The following MYH6 variants were observed in gnomAD, a reference collection of about 807,000 sequenced individuals.
MYH6 encodes the protein myosin-6.
MYH6 carries 126 observed loss-of-function variants against 223.2 expected under a neutral mutation model. The ratio of observed to expected loss-of-function variants is 0.56; its 90% CI spans 0.49 to 0.65. The LOEUF (loss-of-function observed/expected upper bound fraction) is 0.65. MYH6 is among the 30% of genes least tolerant of loss of function. The pLI, the probability that MYH6 is intolerant of heterozygous loss-of-function variation, is 0.00. For missense variants in MYH6, 2,040 were observed against 2,536.4 expected (o/e 0.80, Z 4.20); for synonymous variants, 978 against 1,010.2 (o/e 0.97, Z 0.61).
chr14:23,383,341 G>GGGGGCCCCCCCCCCCCC, intron 36 of MYH6, 21 bp from the exon 37 acceptor site: 1 of 556,572 alleles, frequency 1.8e-6, no homozygotes, highest in Non-Finnish European at 3.3e-6. Context: ...GAGGGTGGGA[G>GGGGGCCCCCCCCCCCCC]AAGCTGGTTT....
intron 37 of MYH6, 133 bp downstream of exon 37, chr14:23,383,091 GA>G: frequency 1.2e-6 from 1 of 825,916 alleles, no homozygotes; most frequent in Non-Finnish European, 2.1e-6. Context: ...GAGCATACCA[GA>G]TGTGTCAAAC....
At position 23,397,066 on chromosome 14, in the gene MYH6, G is replaced by A. The variant is rs748016197; in HGVS notation, c.2065C>T (p.Pro689Ser). 2.5e-6 allele frequency: 4 copies of A among 1,614,104 alleles called. No homozygotes were observed. The highest frequency in any genetic ancestry group is 3.3e-5 in the Admixed American group (2 of 60,010). Residue 689 changes from proline to serine, a missense_variant, in exon 18 of 39, where the codon CCC (proline) becomes TCC (serine). Physicochemically the swap from Pro to Ser is moderately conservative, Grantham distance 74 (BLOSUM62 -1). Coordinates refer to ENST00000405093, the MANE Select transcript of MYH6 (RefSeq NM_002471.4). ...ERKAPGVMDN[P>S]LVMHQLRCNG... ...CAGCGCAGCTGGTGCATGACCAGGG[G>A]GTTGTCCATCACCCCTGTGTCAGGA...
At position 23,400,488 on chromosome 14, in the gene MYH6, T is replaced by G. The variant is rs1047658104; in HGVS notation, c.1411-62A>C. 57 of 1,612,990 alleles carry G rather than the reference T, an allele frequency of 3.5e-5. No individual in the cohort carries two copies. The Middle Eastern group carries it at 6.6e-4, about 19-fold the overall frequency. ...TGGGTGTGAGTGGCCATTGGGGCTG[T>G]GCCCGTGCACTGTGCCGAGCCCAGC... On this transcript the variant is annotated intron_variant, in intron 13 of 38. Transcript: ENST00000405093.
intron 8 of MYH6, 88 bp from the exon 9 acceptor site, chr14:23,403,866 G>A: frequency 8.3e-7 from 1 of 1,210,224 alleles, no homozygotes; most frequent in South Asian, 1.3e-5. Flanking sequence ...GCCCTGGATG[G>A]TTCTGGAAAT....
intron 26 of MYH6, 58 bp downstream of exon 26, chr14:23,389,999 C>T (rs1466058538): frequency 3.1e-6 from 5 of 1,613,132 alleles, no homozygotes; most frequent in East Asian, 2.2e-5. Context: ...AGAGAGAAGG[C>T]ATGGGGGAGG....
rs1566506950 is a variant in MYH6, at chr14:23,388,354, T to TGG, written c.4176-18_4176-17dup. The TGG allele has an allele frequency of 6.2e-7, 1 of 1,611,838 alleles. No homozygotes were observed. Among genetic ancestry groups the TGG allele is most frequent in the South Asian group, 1.1e-5 (1 of 91,016 alleles). On this transcript the variant is annotated splice_polypyrimidine_tract_variant and intron_variant, in intron 29 of 38. Transcript: ENST00000405093. ...CAGCTTCTTTCTGCCCAGGTGAGGG[T>TGG]GGAGGGTGTGTGTGTGACTCTACTG...
intron 28 of MYH6, 98 bp downstream of exon 28, chr14:23,389,295 C>A: frequency 7.2e-7 from 1 of 1,397,030 alleles, no homozygotes; most frequent in Non-Finnish European, 1.0e-6. Context: ...CTTTCCCTTG[C>A]AGAGGACTCT....
chr14:23,407,175 G>A lies in MYH6; in HGVS notation c.49C>T (p.Arg17Cys), dbSNP rs1131691313. Reference protein sequence around the residue: ...ADFGAAAQYLRKSEKERLEAQ... With the variant: ...ADFGAAAQYLCKSEKERLEAQ... ...TCTAGACGCTCCTTCTCTGACTTGC[G>A]GAGGTACTGGGCCGCTGCCCCAAAG... The change falls in exon 3 of 39, where the codon CGC becomes TGC. Residue 17 changes from arginine to cysteine, a missense_variant. Coordinates refer to ENST00000405093, the MANE Select transcript of MYH6 (RefSeq NM_002471.4). This position sits in a 1 kb window ranked among gnomAD's most constrained non-coding sequence, Gnocchi z 5.6. The A allele has an allele frequency of 2.5e-6, 4 of 1,614,138 alleles. No individual in the cohort carries two copies. The highest frequency in any genetic ancestry group is 2.2e-5 in the East Asian group (1 of 44,902).
Position 23,390,192 on chromosome 14 carries a change from G to A in MYH6, c.3597C>T (p.Ala1199=), listed in dbSNP as rs1269257633. ...GCTCGCCCAGCTCGGCCACGCTGTC[G>A]GCGTGCTTCTTGCGCAGGGCCGCGG... is the stretch of plus-strand genomic sequence containing the variant. ...ATAAALRKKH[A]DSVAELGEQI... The change falls in exon 26 of 39, where the codon GCC becomes GCT. Residue 1199 remains alanine (A), a synonymous_variant. Transcript: ENST00000405093. 4.4e-6 allele frequency: 7 copies of A among 1,605,912 alleles called. No individual in the cohort carries two copies. Among genetic ancestry groups the A allele is most frequent in the Admixed American group, 3.3e-5 (2 of 59,750 alleles).
rs146539406 is a variant in MYH6 at position 23,384,927 on chromosome 14, C to T, written c.5278G>A (p.Ala1760Thr). ...CRNAEEKAKK[A>T]ITDAAMMAEE... ...GGGCGGTCACTTACATCCGTGATGG[C>T]CTTCTTGGCCTTCTCCTCGGCGTTT... is the stretch of plus-strand genomic sequence containing the variant. Residue 1760 changes from alanine to threonine, a missense_variant, in exon 35 of 39, where the codon GCC (alanine) becomes ACC (threonine). Around this residue, in one of 4 missense-constraint regions of MYH6, gnomAD observed 1,203 missense variants for 1,400.2 expected, o/e 0.86. Coordinates refer to ENST00000405093, the MANE Select transcript of MYH6 (RefSeq NM_002471.4). The T allele has an allele frequency of 1.6e-5, 26 of 1,614,050 alleles. No homozygotes were observed. Among genetic ancestry groups the T allele is most frequent in the Admixed American group, 3.3e-5 (2 of 60,010 alleles).
rs754437314 is a variant in MYH6, at chr14:23,387,837, C to G, written c.4446G>C (p.Glu1482Asp). 2 of 1,614,122 alleles carry G rather than the reference C, an allele frequency of 1.2e-6. No individual in the cohort carries two copies. The highest frequency in any genetic ancestry group is 2.2e-5 in the South Asian group (2 of 91,088). Residue 1482 changes from glutamate (E) to aspartate (D), a missense_variant, in exon 31 of 39, where the codon GAG becomes GAC. By Grantham distance (45) the Glu-to-Asp change is conservative (BLOSUM62 2). Transcript: ENST00000405093. ...SQKEARSLST[E>D]LFKLKNAYEE... ...CGTAGGCGTTCTTGAGCTTGAAGAG[C>G]TCTGTGCTGAGGGAGCGAGCCTCCT...
chr14:23,402,833 G>A (rs765341671), intron 10 of MYH6, 33 bp from the exon 11 acceptor site: 1 of 1,579,370 alleles, frequency 6.3e-7, no homozygotes, highest in African/African-American at 1.4e-5. Context: ...CAGGGGCAAG[G>A]GGGCAGGCGG....
chr14:23,404,525 A>G lies in MYH6; in HGVS notation c.643-137T>C, dbSNP rs1244353000. On this transcript the variant is annotated intron_variant, in intron 7 of 38. Coordinates refer to ENST00000405093, the MANE Select transcript of MYH6 (RefSeq NM_002471.4). Reference sequence around the variant, plus strand: ...ACCGCTAGTGGGTCTGCGACTCCACAGGATCCTACCCAGACCTCAGGGTGA... The same window carrying G: ...ACCGCTAGTGGGTCTGCGACTCCACGGGATCCTACCCAGACCTCAGGGTGA... The G allele has an allele frequency of 6.0e-6, 7 of 1,167,576 alleles. No homozygotes were observed. In the East Asian group the frequency reaches 1.7e-4, roughly 29 times the overall value. The allele number at this position is 1,167,576 out of a possible 1,614,324, so 72.3% of individuals were successfully genotyped here. A position where few individuals can be genotyped will look rare whatever the true frequency, so the allele number is the denominator to read the frequency against.
rs754263361 is a variant in MYH6 at position 23,389,067 on chromosome 14, G to C, written c.3979-12C>G. Reference sequence around the variant, plus strand: ...AGGGCGTTCTTCGCCTGGGGAGGGGGGGGGGCACCAGGAGGTGGGAGGGAC... The same window carrying C: ...AGGGCGTTCTTCGCCTGGGGAGGGGCGGGGGCACCAGGAGGTGGGAGGGAC... On this transcript the variant is annotated splice_polypyrimidine_tract_variant and intron_variant, in intron 28 of 38. Coordinates refer to ENST00000405093, the MANE Select transcript of MYH6 (RefSeq NM_002471.4). 1.0e-5 allele frequency: 16 copies of C among 1,567,124 alleles called. No homozygotes were observed. The highest frequency in any genetic ancestry group is 9.4e-5 in the African/African-American group (7 of 74,422).
intron 12 of MYH6, 82 bp from the exon 13 acceptor site, chr14:23,401,059 T>C: frequency 6.4e-7 from 1 of 1,553,202 alleles, no homozygotes. Flanking sequence ...CAGGCTTGAG[T>C]GCAGTGGCAC....
chr14:23,389,088 G>C lies in MYH6; in HGVS notation c.3979-33C>G, dbSNP rs745779806. ...GGGGGGGGGGCACCAGGAGGTGGGA[G>C]GGACTCCCTGTGCCCCATTCTCTAG... On this transcript the variant is annotated intron_variant, in intron 28 of 38. Coordinates refer to ENST00000405093, the MANE Select transcript of MYH6 (RefSeq NM_002471.4). The C allele has an allele frequency of 3.2e-6, 5 of 1,574,104 alleles. No individual in the cohort carries two copies. In the African/African-American group the frequency reaches 6.7e-5, roughly 21 times the overall value.
chr14:23,389,830 G>C, intron 26 of MYH6, 111 bp from the exon 27 acceptor site: 1 of 1,567,246 alleles, frequency 6.4e-7, no homozygotes, highest in Non-Finnish European at 8.8e-7. Context: ...GGACACAGAA[G>C]GTGTGGGAGG....
At chr14:23,393,608 A>T (rs1891303764) in intron 22 of MYH6, 58 bp downstream of exon 22, 2 of 1,613,796 alleles carry the variant, frequency 1.2e-6, no homozygotes, top group African/African-American at 2.7e-5. Context: ...CCAGGACAAC[A>T]CTCTAGTCTG....
chr14:23,400,240 G>C lies in MYH6; in HGVS notation c.1581+16C>G. The stretch of plus-strand genomic sequence containing the variant: ...TGGCAGAGGAGGGGGCATAGGTGGT[G>C]AGGCCAAGGAGGCACCTTCTCGATG... On this transcript the variant is annotated intron_variant, in intron 14 of 38. Coordinates refer to ENST00000405093, the MANE Select transcript of MYH6 (RefSeq NM_002471.4). The C allele has an allele frequency of 6.2e-7, 1 of 1,614,204 alleles. No individual in the cohort carries two copies. The highest frequency in any genetic ancestry group is 8.5e-7 in the Non-Finnish European group (1 of 1,180,036).
Sources: allele counts gnomAD v4.1 joint callset, GRCh38; gene constraint gnomAD v4.1.1; regional missense constraint gnomAD v4.1.1; non-coding constraint Gnocchi (gnomAD v3.1); transcripts MANE v1.5; gene names NCBI Gene and HGNC (gene_info 2026-07-23, HGNC 2026-07-21).